TVP23C: variants seen among roughly 807,000 people sequenced by gnomAD.
The protein encoded by TVP23C is Golgi apparatus membrane protein TVP23 homolog C.
A neutral mutation model predicts 28.7 loss-of-function variants in TVP23C; 19 were observed. That is an observed-to-expected ratio of 0.66 (90% confidence interval 0.46 to 0.97). The LOEUF is 0.97. TVP23C is among the 50% of genes least tolerant of loss of function. The pLI is 0.00. For synonymous variants in TVP23C, 68 were observed against 81.7 expected, an observed-to-expected ratio of 0.83 and a Z score of 0.90; for missense variants, 186 against 241.3, an observed-to-expected ratio of 0.77 and a Z score of 1.52.
At chr17:15,502,800 C>T (rs1476837398) in exon 6 of TVP23C, 2 of 1,456,392 alleles carry the variant, frequency 1.4e-6, no homozygotes, top group African/African-American at 1.6e-5. Flanking sequence ...TCTCCTCTCT[C>T]CTCTCTCTCC....
rs1460595950 is a variant in TVP23C, at chr17:15,540,359, C to T, written c.*53G>A. Reference sequence around the variant, plus strand: ...TGCCTTTAAAACTTCTGTTCAGGAGCGTTTCATAAAAATTAAACTATGAAA... The same window carrying T: ...TGCCTTTAAAACTTCTGTTCAGGAGTGTTTCATAAAAATTAAACTATGAAA... On this transcript the variant is annotated 3_prime_UTR_variant, in exon 6 of 6. Transcript: ENST00000518321. 1.7e-5 allele frequency: 25 copies of T among 1,478,568 alleles called. No homozygotes were observed. The highest frequency in any genetic ancestry group is 3.9e-5 in the South Asian group (3 of 76,710). 91.6% of individuals were successfully genotyped at this position (1,478,568 alleles called of 1,614,324 possible). A position where few individuals can be genotyped will look rare whatever the true frequency, so the allele number is the denominator to read the frequency against.
At chr17:15,555,765 G>C in intron 1 of TVP23C, among the ~76,000 whole-genome samples, 1 of 151,988 alleles carries the variant, frequency 6.6e-6, no homozygotes, top group Middle Eastern at 3.2e-3. Context: ...TTAGTTCCAT[G>C]ACCCCTTCTC....
chr17:15,505,047 G>T (rs1981661913), intron 5 of TVP23C, among the ~76,000 whole-genome samples: 1 of 152,136 alleles, frequency 6.6e-6, no homozygotes, highest in Admixed American at 6.5e-5. Flanking sequence ...GTTATATACT[G>T]ATTACACATT....
At chr17:15,534,578 TACACACACAC>T (rs370038704), downstream of TVP23C, among the ~76,000 whole-genome samples, 1,105 of 125,206 alleles carry the variant, frequency 8.8e-3, 22 homozygotes, top group African/African-American at 0.039. Flanking sequence ...CCATCACTTC[TACACACACAC>T]ACACACACAC....
At chr17:15,502,567 T>C (rs950737426) in exon 6 of TVP23C, 1 of 331,650 alleles carries the variant, frequency 3.0e-6, no homozygotes, top group African/African-American at 2.1e-5. Context: ...GCATCCTTCC[T>C]CGGGGCCGCA....
intron 5 of TVP23C, chr17:15,506,893 A>G (rs1013438610): frequency 1.1e-6 from 1 of 870,484 alleles, no homozygotes; most frequent in South Asian, 1.3e-5. Context: ...GTTCTTCAAC[A>G]TCGCCATCAA....
chr17:15,510,564 G>C lies in TVP23C; in HGVS notation c.463-7332C>G, dbSNP rs567273671. Among the ~76,000 whole-genome samples the C allele has an allele frequency of 5.3e-5, 8 of 152,226 alleles. No homozygotes were observed. The East Asian group carries it at 1.5e-3, about 29-fold the overall frequency. On this transcript the variant is annotated intron_variant, in intron 5 of 5. Coordinates refer to the TVP23C transcript ENST00000225576. ...GCTGGCTAAGAGCCCAGTTACCTTA[G>C]TCATAGTTCCAACTCTGCAATGGCC...
chr17:15,520,424 T>G (rs1448650028), intron 5 of TVP23C, among the ~76,000 whole-genome samples: 1 of 146,906 alleles, frequency 6.8e-6, no homozygotes, highest in African/African-American at 2.6e-5. Context: ...AGAGAGGATT[T>G]TAGGCTCTAT....
At chr17:15,502,732 TTCTC>T (rs1567627239) in exon 6 of TVP23C, 4 of 827,038 alleles carry the variant, frequency 4.8e-6, no homozygotes, top group South Asian at 2.5e-5. Context: ...CTCTCTCTCT[TTCTC>T]TCTCCTCTCT....
At chr17:15,552,844 A>G (rs1015750012) in intron 3 of TVP23C, among the ~76,000 whole-genome samples, 3 of 151,434 alleles carry the variant, frequency 2.0e-5, no homozygotes, top group African/African-American at 7.3e-5. Context: ...GAACACACAC[A>G]GTTAAATTTT....
At chr17:15,551,995 CA>C (rs1299160550) in intron 3 of TVP23C, among the ~76,000 whole-genome samples, 7 of 152,072 alleles carry the variant, frequency 4.6e-5, no homozygotes, top group Admixed American at 3.3e-4. Context: ...AAAAGGGTGC[CA>C]TTTTTTAAGC....
chr17:15,552,803 AT>A (rs903817979), intron 3 of TVP23C, among the ~76,000 whole-genome samples: 3 of 152,008 alleles, frequency 2.0e-5, no homozygotes, highest in African/African-American at 7.3e-5. Flanking sequence ...TCAGCCTTTG[AT>A]TTTTTTCTCC....
intron 5 of TVP23C, among the ~76,000 whole-genome samples, chr17:15,513,552 A>G (rs1186766286): frequency 6.6e-6 from 1 of 152,182 alleles, no homozygotes; most frequent in Non-Finnish European, 1.5e-5. Context: ...ATAACTTTAA[A>G]TCTCTCAAGC....
intron 3 of TVP23C, among the ~76,000 whole-genome samples, chr17:15,549,679 C>CA (rs58061469): frequency 2.3e-3 from 268 of 114,938 alleles, no homozygotes; most frequent in Middle Eastern, 4.7e-3. Context: ...GATTTTGTCT[C>CA]AAAAAAAAAA....
Position 15,538,206 on chromosome 17 carries a change from C to T in TVP23C, c.*2206G>A. The T allele has an allele frequency of 1.2e-6, 2 of 1,613,440 alleles. No homozygotes were observed. The highest frequency in any genetic ancestry group is 3.3e-5 in the Admixed American group (2 of 59,906). On this transcript the variant is annotated 3_prime_UTR_variant, in exon 6 of 6. Coordinates refer to ENST00000518321, the MANE Select transcript of TVP23C (RefSeq NM_001135036.2). ...AACATCAAAGTTATTTCACTTCACACACCATGGACTTGGGGCCTAGGCCTA... is the reference window on the plus strand; with the variant it reads ...AACATCAAAGTTATTTCACTTCACATACCATGGACTTGGGGCCTAGGCCTA...
At chr17:15,542,799 T>G (rs1383377141) in intron 5 of TVP23C, among the ~76,000 whole-genome samples, 1 of 152,218 alleles carries the variant, frequency 6.6e-6, no homozygotes, top group African/African-American at 2.4e-5. Flanking sequence ...TGCTGTAGGC[T>G]GCAATTTTGT....
exon 6 of TVP23C, chr17:15,502,786 C>CCTCTCTCCTCTCTCCT: frequency 1.4e-6 from 2 of 1,462,800 alleles, no homozygotes; most frequent in South Asian, 2.9e-5. Context: ...CTCTTCCCTC[C>CCTCTCTCCTCTCTCCT]CTCTCTCCTC....
chr17:15,523,955 T>C (rs1340792560), intron 5 of TVP23C, among the ~76,000 whole-genome samples: 1 of 152,168 alleles, frequency 6.6e-6, no homozygotes, highest in Non-Finnish European at 1.5e-5. Flanking sequence ...AAAGGTTAAA[T>C]ATCCAGAATA....
At chr17:15,542,209 G>A (rs1346357976) in intron 5 of TVP23C, among the ~76,000 whole-genome samples, 1 of 152,004 alleles carries the variant, frequency 6.6e-6, no homozygotes, top group Non-Finnish European at 1.5e-5. Flanking sequence ...CAAAAGACCC[G>A]AGAAAAAAAT....
Sources: allele counts gnomAD v4.1 joint callset (sites outside exome capture counted in the v4.1 genomes callset), GRCh38; gene constraint gnomAD v4.1.1; transcripts MANE v1.5; gene names NCBI Gene and HGNC (gene_info 2026-07-23, HGNC 2026-07-21).